DACH2: variants seen among roughly 807,000 people sequenced by gnomAD.
DACH2 encodes the protein dachshund homolog 2.
A neutral mutation model predicts 35.8 loss-of-function variants in DACH2; 17 were observed. That is an observed-to-expected ratio of 0.48 (90% CI 0.33 to 0.71). The LOEUF is 0.71. Among genes scored for constraint, DACH2 ranks in the 30% least tolerant of loss-of-function variants. DACH2 has a pLI of 0.02. For synonymous variants in DACH2, 195 were observed against 177.3 expected, an observed-to-expected ratio of 1.10 and a Z score of -0.79; for missense variants, 469 against 472.7, an observed-to-expected ratio of 0.99 and a Z score of 0.07.
At chrX:86,401,648 T>TA (rs1162307024) in intron 2 of DACH2, among the ~76,000 whole-genome samples, 2 of 107,696 alleles carry the variant, frequency 1.9e-5, no homozygotes, top group African/African-American at 6.9e-5. Context: ...CATGAACATG[T>TA]ATCAACAAGC....
chrX:86,535,295 G>A (rs1214675543), intron 3 of DACH2, among the ~76,000 whole-genome samples: 1 of 111,610 alleles, frequency 9.0e-6, no homozygotes, highest in Non-Finnish European at 1.9e-5. Context: ...TCCAGATTGA[G>A]AGAATGTCTT....
chrX:86,423,474 A>G (rs989857179), intron 2 of DACH2, among the ~76,000 whole-genome samples: 8 of 109,833 alleles, frequency 7.3e-5, no homozygotes, highest in Non-Finnish European at 1.1e-4. Context: ...TCTTCTTTTG[A>G]GAAGTGTCTT....
chrX:86,529,025 T>C (rs2038674265), intron 3 of DACH2, among the ~76,000 whole-genome samples: 1 of 111,840 alleles, frequency 8.9e-6, no homozygotes, highest in Non-Finnish European at 1.9e-5. Flanking sequence ...TATTCTGCTA[T>C]TGAACATTAG....
chrX:86,761,534 A>G (rs1371567431), intron 7 of DACH2, among the ~76,000 whole-genome samples: 1 of 111,435 alleles, frequency 9.0e-6, no homozygotes, highest in Non-Finnish European at 1.9e-5. Flanking sequence ...TGACCCAGCA[A>G]TCCCATTACT....
chrX:86,451,586 C>T (rs2037378711), intron 2 of DACH2, among the ~76,000 whole-genome samples: 1 of 111,211 alleles, frequency 9.0e-6, no homozygotes, highest in African/African-American at 3.3e-5. Flanking sequence ...TTTTCTAATT[C>T]TGTGAAGAAT....
chrX:86,760,399 C>A (rs952256147), intron 7 of DACH2, among the ~76,000 whole-genome samples: 1 of 111,619 alleles, frequency 9.0e-6, no homozygotes, highest in Admixed American at 9.5e-5. Context: ...TTTTTCAATT[C>A]TTTTTTCTTT....
At chrX:86,600,390 A>T (rs1314592154) in intron 3 of DACH2, among the ~76,000 whole-genome samples, 1 of 111,873 alleles carries the variant, frequency 8.9e-6, no homozygotes, top group East Asian at 2.8e-4. Flanking sequence ...TTTGAGTATT[A>T]TACCAGTATT....
chrX:86,530,672 G>T (rs2038706567), intron 3 of DACH2, among the ~76,000 whole-genome samples: 1 of 111,764 alleles, frequency 8.9e-6, no homozygotes, highest in South Asian at 3.8e-4. Flanking sequence ...TGTGAAAATG[G>T]ACTAATACAG....
intron 1 of DACH2, among the ~76,000 whole-genome samples, chrX:86,327,565 G>A (rs2035138212): frequency 9.0e-6 from 1 of 110,857 alleles, no homozygotes; most frequent in African/African-American, 3.3e-5. Flanking sequence ...ACAGAATGAA[G>A]CTATCATGAG....
chrX:86,546,230 C>T (rs1174554836), intron 3 of DACH2, among the ~76,000 whole-genome samples: 3 of 111,360 alleles, frequency 2.7e-5, no homozygotes, highest in Non-Finnish European at 5.7e-5. Flanking sequence ...ATTCCACCAG[C>T]AGATGGATTT....
chrX:86,215,159 T>A (rs1353282332), intron 1 of DACH2, among the ~76,000 whole-genome samples: 1 of 111,210 alleles, frequency 9.0e-6, no homozygotes, highest in Admixed American at 9.6e-5. Context: ...TGGAAACAAG[T>A]TACCCATTTG....
At chrX:86,822,938 T>TATC (rs1239032665) in intron 11 of DACH2, among the ~76,000 whole-genome samples, 2 of 111,994 alleles carry the variant, frequency 1.8e-5, no homozygotes, top group African/African-American at 6.5e-5. Flanking sequence ...AGAGCCTTGC[T>TATC]ATCTAATTTT....
chrX:86,262,657 A>G (rs777484208), intron 1 of DACH2, among the ~76,000 whole-genome samples: 1 of 107,462 alleles, frequency 9.3e-6, no homozygotes, highest in South Asian at 4.0e-4. Context: ...AAAAAATGCC[A>G]TTCATTGTAT....
intron 1 of DACH2, among the ~76,000 whole-genome samples, chrX:86,245,779 C>T (rs1171236175): frequency 1.8e-5 from 2 of 111,908 alleles, no homozygotes; most frequent in African/African-American, 6.5e-5. Flanking sequence ...GAATATCTTG[C>T]CTCCAAGCAA....
At chrX:86,667,363 G>GA (rs2040688683) in intron 4 of DACH2, among the ~76,000 whole-genome samples, 1 of 64,963 alleles carries the variant, frequency 1.5e-5, no homozygotes, top group South Asian at 8.8e-4. Context: ...GGAAGAGGAA[G>GA]GGAAGGGAGG....
intron 2 of DACH2, among the ~76,000 whole-genome samples, chrX:86,394,816 G>A (rs1393560653): frequency 9.0e-6 from 1 of 111,408 alleles, no homozygotes; most frequent in Non-Finnish European, 1.9e-5. Flanking sequence ...TATAGCCCAG[G>A]GTGTCTGAAG....
At chrX:86,634,088 C>A (rs1323320814) in intron 3 of DACH2, among the ~76,000 whole-genome samples, 1 of 110,659 alleles carries the variant, frequency 9.0e-6, no homozygotes, top group African/African-American at 3.3e-5. Context: ...CATTTCTTAC[C>A]ATGGCTCAGC....
At chrX:86,803,401 G>T (rs1190220637) in intron 7 of DACH2, among the ~76,000 whole-genome samples, 1 of 111,716 alleles carries the variant, frequency 9.0e-6, no homozygotes, top group African/African-American at 3.3e-5. Flanking sequence ...CACAATATTT[G>T]TAGATTATAG....
intron 6 of DACH2, 41 bp downstream of exon 6, chrX:86,714,761 C>T: frequency 9.4e-7 from 1 of 1,067,410 alleles, no homozygotes; most frequent in Non-Finnish European, 1.2e-6. Context: ...GTGTCAATTT[C>T]ATGCAAATTT....
Sources: allele counts gnomAD v4.1 joint callset (sites outside exome capture counted in the v4.1 genomes callset), GRCh38; gene constraint gnomAD v4.1.1; transcripts MANE v1.5; gene names NCBI Gene and HGNC (gene_info 2026-07-23, HGNC 2026-07-21).